Variants in JMJD1C observed in about 807,000 individuals in gnomAD.
The protein encoded by JMJD1C is jumonji domain-containing protein 1C.
Under a neutral mutation model 245.3 loss-of-function variants are expected in JMJD1C, and 31 were observed. The ratio of observed to expected loss-of-function variants is 0.13; its 90% CI spans 0.09 to 0.17. JMJD1C has a LOEUF of 0.17. Among genes scored for constraint, JMJD1C ranks in the 10% least tolerant of loss-of-function variants. The pLI is 1.00. For synonymous variants in JMJD1C, 1,057 were observed against 1,017.4 expected (o/e 1.04, Z -0.74); for missense variants, 2,691 against 3,000.2 (o/e 0.90, Z 2.41).
At chr10:63,251,856 A>T (rs1034951512) in intron 3 of JMJD1C, among the ~76,000 whole-genome samples, 18 of 152,190 alleles carry the variant, frequency 1.2e-4, no homozygotes, top group Admixed American at 1.1e-3. Flanking sequence ...TACTAAAAAT[A>T]CAAAAATTAG....
chr10:63,428,704 A>T (rs902932146), intron 1 of JMJD1C, among the ~76,000 whole-genome samples: 1 of 152,208 alleles, frequency 6.6e-6, no homozygotes, highest in Non-Finnish European at 1.5e-5. Context: ...AAAAAAAGAG[A>T]AAAAACAATA....
chr10:63,462,177 G>T (rs1456466229), intron 1 of JMJD1C, among the ~76,000 whole-genome samples: 1 of 152,082 alleles, frequency 6.6e-6, no homozygotes, highest in African/African-American at 2.4e-5. Context: ...TAGATATTTT[G>T]TTAGCAAAGA....
chr10:63,288,731 TA>T (rs1296059374), intron 2 of JMJD1C, among the ~76,000 whole-genome samples: 1 of 151,856 alleles, frequency 6.6e-6, no homozygotes, highest in Non-Finnish European at 1.5e-5. Flanking sequence ...AATAAAAAAT[TA>T]ACTGGACATG....
At chr10:63,220,958 AAT>A (rs1848528995) in intron 3 of JMJD1C, among the ~76,000 whole-genome samples, 1 of 151,694 alleles carries the variant, frequency 6.6e-6, no homozygotes, top group South Asian at 2.1e-4. Context: ...AATACAAAAA[AAT>A]ATTAGCTGGG....
chr10:63,294,115 G>A (rs1471886175), intron 2 of JMJD1C, among the ~76,000 whole-genome samples: 1 of 152,044 alleles, frequency 6.6e-6, no homozygotes, highest in Non-Finnish European at 1.5e-5. Flanking sequence ...TCACCTTGCA[G>A]ATGAACTCTT....
At position 63,203,695 on chromosome 10, in the gene JMJD1C, A is replaced by C. The variant is rs950765444; in HGVS notation, c.5074+2900T>G. On this transcript the variant is annotated intron_variant, in intron 10 of 25. Coordinates refer to ENST00000399262, the MANE Select transcript of JMJD1C (RefSeq NM_032776.3). The stretch of plus-strand genomic sequence containing the variant: ...ATTAAGAGAAACAAAAAGGTAGCAG[A>C]GAGGAAGACATTCCAAAAGAGTAGA... 1.0e-5 allele frequency: 10 copies of C among 983,790 alleles called. No individual in the cohort carries two copies. The African/African-American group carries it at 1.7e-4, about 17-fold the overall frequency. The allele number at this position is 983,790 out of a possible 1,614,324, so 60.9% of individuals were successfully genotyped here. A position where few individuals can be genotyped will look rare whatever the true frequency, so the allele number is the denominator to read the frequency against.
chr10:63,237,514 CA>C (rs1564659328), intron 3 of JMJD1C, among the ~76,000 whole-genome samples: 1 of 152,128 alleles, frequency 6.6e-6, no homozygotes, highest in Admixed American at 6.5e-5. Flanking sequence ...AGAACGAATA[CA>C]ATCCAGTACA....
chr10:63,440,066 AT>A (rs1381815996), intron 1 of JMJD1C, among the ~76,000 whole-genome samples: 1 of 152,150 alleles, frequency 6.6e-6, no homozygotes, highest in African/African-American at 2.4e-5. Context: ...ACTGATGGAT[AT>A]TTTTTCAGTA....
intron 3 of JMJD1C, among the ~76,000 whole-genome samples, chr10:63,237,314 A>G (rs1850853982): frequency 6.6e-6 from 1 of 151,674 alleles, no homozygotes; most frequent in Non-Finnish European, 1.5e-5. Flanking sequence ...CTGGGATTAC[A>G]GGCGTGAGCC....
At chr10:63,444,818 C>T (rs1290012508) in intron 1 of JMJD1C, among the ~76,000 whole-genome samples, 2 of 152,128 alleles carry the variant, frequency 1.3e-5, no homozygotes, top group East Asian at 3.9e-4. Flanking sequence ...CTACTATCTA[C>T]TAAGCAATGT....
At chr10:63,204,571 CAATTA>C in intron 10 of JMJD1C, 1 of 985,270 alleles carries the variant, frequency 1.0e-6, no homozygotes. Context: ...AGAAGAGAAA[CAATTA>C]AATTGCTCAC....
chr10:63,209,248 CAAAACAAAA>C lies in JMJD1C; in HGVS notation c.2695-22_2695-14del. The C allele has an allele frequency of 6.4e-7, 1 of 1,571,674 alleles. No individual in the cohort carries two copies. The highest frequency in any genetic ancestry group is 8.6e-7 in the Non-Finnish European group (1 of 1,161,918). On this transcript the variant is annotated splice_polypyrimidine_tract_variant and intron_variant, in intron 8 of 25. Coordinates refer to ENST00000399262, the MANE Select transcript of JMJD1C (RefSeq NM_032776.3). Reference sequence around the variant, plus strand: ...GACTGGGAGAATTCTATTAACAAAACAAAACAAAAAAAACACCTAGATTTCAGTTACTAG... The same window carrying C: ...GACTGGGAGAATTCTATTAACAAAACAAAACACCTAGATTTCAGTTACTAG...
chr10:63,445,206 C>T (rs907266674), intron 1 of JMJD1C, among the ~76,000 whole-genome samples: 1 of 152,010 alleles, frequency 6.6e-6, no homozygotes, highest in African/African-American at 2.4e-5. Flanking sequence ...GGTGACAGAA[C>T]AAGAGCCAGT....
Position 63,270,600 on chromosome 10 carries a change from G to T in JMJD1C, c.334-5836C>A, listed in dbSNP as rs565828483. On this transcript the variant is annotated intron_variant, in intron 2 of 25. Coordinates refer to ENST00000399262, the MANE Select transcript of JMJD1C (RefSeq NM_032776.3). ...TCCGACCTCAGCCTGCCATGTAGAA[G>T]GGACTACAGGTGGGCATCACCATGC... Among the ~76,000 whole-genome samples the T allele has an allele frequency of 3.5e-3, 536 of 152,126 alleles. 3 individuals carry two copies. Among genetic ancestry groups the T allele is most frequent in the African/African-American group, 0.012 (504 of 41,462 alleles).
intron 1 of JMJD1C, among the ~76,000 whole-genome samples, chr10:63,431,675 T>C (rs1405498746): frequency 6.6e-6 from 1 of 152,212 alleles, no homozygotes; most frequent in Non-Finnish European, 1.5e-5. Context: ...TAAGGTGATA[T>C]TGTAACTCAG....
At chr10:63,284,730 AAAC>A (rs1458941810) in intron 2 of JMJD1C, among the ~76,000 whole-genome samples, 1 of 152,196 alleles carries the variant, frequency 6.6e-6, no homozygotes, top group Non-Finnish European at 1.5e-5. Flanking sequence ...AGATTAATAA[AAAC>A]AAGCTAATTA....
chr10:63,261,994 C>T (rs1012025509), intron 3 of JMJD1C, among the ~76,000 whole-genome samples: 1 of 152,112 alleles, frequency 6.6e-6, no homozygotes, highest in Non-Finnish European at 1.5e-5. Context: ...TTTCCCCCAC[C>T]TACTTAAAAA....
intron 1 of JMJD1C, among the ~76,000 whole-genome samples, chr10:63,409,770 T>C (rs963883656): frequency 2.0e-5 from 3 of 152,200 alleles, no homozygotes; most frequent in East Asian, 3.8e-4. Flanking sequence ...TGCTTTTCAG[T>C]GATCTGTAGG....
chr10:63,467,289 G>A (rs887753284), upstream of JMJD1C, among the ~76,000 whole-genome samples: 24 of 152,076 alleles, frequency 1.6e-4, no homozygotes, highest in Admixed American at 1.3e-3. Flanking sequence ...ACCTGAGGTC[G>A]GGAGTTCGAG....
Sources: allele counts gnomAD v4.1 joint callset (sites outside exome capture counted in the v4.1 genomes callset), GRCh38; gene constraint gnomAD v4.1.1; transcripts MANE v1.5; gene names NCBI Gene and HGNC (gene_info 2026-07-23, HGNC 2026-07-21).